DPP6: variants seen among roughly 807,000 people sequenced by gnomAD.
The protein encoded by DPP6 is dipeptidyl peptidase like 6.
In DPP6, 69 loss-of-function variants were observed where a neutral mutation model predicts 122.6. The observed-to-expected ratio is 0.56, with a 90% CI of 0.46 to 0.69. The LOEUF is 0.69. DPP6 is among the 30% of genes least tolerant of loss of function. DPP6 has a pLI of 0.00. For synonymous variants in DPP6, 418 were observed against 433.1 expected (o/e 0.97, Z 0.43); for missense variants, 928 against 1,116.9 (o/e 0.83, Z 2.41).
chr7:154,060,934 G>A (rs1331590506), intron 1 of DPP6, among the ~76,000 whole-genome samples: 3 of 147,064 alleles, frequency 2.0e-5, no homozygotes, highest in African/African-American at 7.4e-5. Context: ...TCCCCCACTG[G>A]CATAGGACCC....
At chr7:153,766,636 C>T in the DPP6 span, among the ~76,000 whole-genome samples, 1 of 151,920 alleles carries the variant, frequency 6.6e-6, no homozygotes, top group African/African-American at 2.4e-5. Context: ...ATTTATATTG[C>T]TGAATGACAT....
At chr7:154,541,475 G>A (rs542885860) in intron 4 of DPP6, among the ~76,000 whole-genome samples, 4 of 152,226 alleles carry the variant, frequency 2.6e-5, no homozygotes, top group African/African-American at 9.6e-5. Flanking sequence ...GTTCATGTAC[G>A]GTTAAAGATA....
At chr7:153,848,237 G>A in the DPP6 span, among the ~76,000 whole-genome samples, 4 of 147,644 alleles carry the variant, frequency 2.7e-5, no homozygotes, top group East Asian at 2.0e-4. Flanking sequence ...TAACATGGTC[G>A]CCCCCCCACC....
At chr7:154,140,009 A>G (rs1220317814) in intron 1 of DPP6, among the ~76,000 whole-genome samples, 8 of 152,202 alleles carry the variant, frequency 5.3e-5, no homozygotes, top group Non-Finnish European at 1.2e-4. Flanking sequence ...ATCAAGGAGT[A>G]GCCCGTGGGA....
At chr7:154,588,895 A>G (rs1048292871) in intron 5 of DPP6, among the ~76,000 whole-genome samples, 1 of 152,222 alleles carries the variant, frequency 6.6e-6, no homozygotes, top group African/African-American at 2.4e-5. Flanking sequence ...TGATCAGTGA[A>G]AAAACAGAAT....
At chr7:154,478,765 C>T (rs1257348818) in intron 3 of DPP6, among the ~76,000 whole-genome samples, 1 of 152,118 alleles carries the variant, frequency 6.6e-6, no homozygotes, top group Non-Finnish European at 1.5e-5. Context: ...CTTTTGCAAC[C>T]TTAGTAGTTA....
chr7:154,213,118 C>T (rs1000461066), intron 1 of DPP6, among the ~76,000 whole-genome samples: 3 of 152,108 alleles, frequency 2.0e-5, no homozygotes, highest in Admixed American at 6.5e-5. Flanking sequence ...CTCTGATGGT[C>T]CAAGCAGTGT....
chr7:154,150,273 C>T (rs1313547544), intron 1 of DPP6, among the ~76,000 whole-genome samples: 1 of 152,048 alleles, frequency 6.6e-6, no homozygotes, highest in Non-Finnish European at 1.5e-5. Context: ...TTGGCAAGGC[C>T]CCCCACTTGC....
the DPP6 span, among the ~76,000 whole-genome samples, chr7:153,790,946 T>G: frequency 1.3e-5 from 2 of 152,312 alleles, no homozygotes; most frequent in African/African-American, 4.8e-5. Flanking sequence ...GAGCAACTAG[T>G]CATTTTGGAA....
At chr7:153,922,072 G>A (rs1040818106) in intron 1 of DPP6, among the ~76,000 whole-genome samples, 16 of 152,222 alleles carry the variant, frequency 1.1e-4, no homozygotes, top group African/African-American at 3.9e-4. Context: ...AACCGATACG[G>A]TCCTGAGTGG....
Position 154,052,738 on chromosome 7 carries a change from TGGAGC to T in DPP6, c.-80_-76del. On this transcript the variant is annotated 5_prime_UTR_variant, in exon 1 of 26. Coordinates refer to ENST00000377770, the MANE Select transcript of DPP6 (RefSeq NM_130797.4). The surrounding 1 kb of genome is among the most constrained non-coding windows in gnomAD (Gnocchi z 4.8). Reference sequence around the variant, plus strand: ...CCACCGCCTTTTTTTTTTTTTAATCTGGAGCGGGGTGGGGAGTGGGAACCGGAGAG... The same window carrying T: ...CCACCGCCTTTTTTTTTTTTTAATCTGGGGTGGGGAGTGGGAACCGGAGAG... The T allele has an allele frequency of 7.8e-7, 1 of 1,282,640 alleles. No individual in the cohort carries two copies. The highest frequency in any genetic ancestry group is 1.4e-5 in the South Asian group (1 of 72,386). The allele number at this position is 1,282,640 out of a possible 1,614,324, so 79.5% of individuals were successfully genotyped here.
At position 154,656,387 on chromosome 7, in the gene DPP6, GGGGC is replaced by G. The variant is rs1160719776; in HGVS notation, c.681-12972_681-12969del. 4.4e-3 allele frequency among the ~76,000 whole-genome samples: 411 copies of G among 93,836 alleles called. 39 individuals carry two copies. Among genetic ancestry groups the G allele is most frequent in the South Asian group, 0.019 (35 of 1,862 alleles). 61.6% of individuals were successfully genotyped at this position (93,836 alleles called of 152,430 possible). A position where few individuals can be genotyped will look rare whatever the true frequency, so the allele number is the denominator to read the frequency against. On this transcript the variant is annotated intron_variant, in intron 6 of 25. Coordinates refer to ENST00000377770, the MANE Select transcript of DPP6 (RefSeq NM_130797.4). ...GGAGGTGGGGGGAGAGCTGGGAGAA[GGGGC>G]AGTCGAGAGGGAGGTCGGGGGAGAG...
intron 2 of DPP6, among the ~76,000 whole-genome samples, 187 bp downstream of exon 2, chr7:154,446,515 T>C (rs965586225): frequency 5.9e-5 from 9 of 152,244 alleles, no homozygotes; most frequent in Non-Finnish European, 1.0e-4. Context: ...TTGGATTTGT[T>C]CACAAAGTTG....
chr7:154,259,384 T>G (rs1802853308), intron 1 of DPP6, among the ~76,000 whole-genome samples: 1 of 152,190 alleles, frequency 6.6e-6, no homozygotes, highest in Admixed American at 6.5e-5. Context: ...TAGGAAATAC[T>G]GGATTCGTAA....
rs1806107011 is a variant in DPP6 at position 154,885,823 on chromosome 7, T to C, written c.2245+79T>C. 2.7e-6 allele frequency: 4 copies of C among 1,472,816 alleles called. No individual in the cohort carries two copies. The East Asian group carries it at 8.0e-5, about 29-fold the overall frequency. The allele number at this position is 1,472,816 out of a possible 1,614,324, so 91.2% of individuals were successfully genotyped here. ...CCCTGCCTGCGTGGCCCCACAGCCC[T>C]CCCTTCAGCACCACCGTCCCGCTAA... On this transcript the variant is annotated intron_variant, in intron 22 of 25. Coordinates refer to ENST00000377770, the MANE Select transcript of DPP6 (RefSeq NM_130797.4).
At chr7:154,392,929 G>T (rs1745562223) in intron 1 of DPP6, among the ~76,000 whole-genome samples, 2 of 152,328 alleles carry the variant, frequency 1.3e-5, no homozygotes, top group African/African-American at 2.4e-5. Flanking sequence ...TCAGCTGTGG[G>T]TCAAGAGCTA....
intron 3 of DPP6, among the ~76,000 whole-genome samples, chr7:154,507,586 C>A (rs1311208033): frequency 1.3e-5 from 2 of 152,132 alleles, no homozygotes; most frequent in African/African-American, 4.8e-5. Context: ...CATAAATTAG[C>A]AGGACATTCC....
Position 154,486,669 on chromosome 7 carries a change from G to A in DPP6, c.457+11632G>A, listed in dbSNP as rs117458129. On this transcript the variant is annotated intron_variant, in intron 3 of 25. Transcript: ENST00000377770. This position sits in a 1 kb window ranked among gnomAD's most constrained non-coding sequence, Gnocchi z 4.5. ...TTACAAAACTTCAGTCAGAGCATCA[G>A]CTTGTGAACCAGCTAGGGTTGGACC... 3.7e-3 allele frequency among the ~76,000 whole-genome samples: 566 copies of A among 152,322 alleles called. 2 individuals carry two copies. The highest frequency in any genetic ancestry group is 5.9e-3 in the Non-Finnish European group (399 of 68,034).
intron 1 of DPP6, among the ~76,000 whole-genome samples, chr7:153,920,563 C>CTTTTTTTTTTTTTTTTTTTTTTTTTTTT: frequency 1.1e-5 from 1 of 88,690 alleles, no homozygotes; most frequent in Non-Finnish European, 2.0e-5. Flanking sequence ...TTATCTCTCT[C>CTTTTTTTTTTTTTTTTTTTTTTTTTTTT]TTTTTTTTTT....
Sources: gnomAD v4.1 joint callset for allele counts (sites outside exome capture counted in the v4.1 genomes callset) on GRCh38, gnomAD v4.1.1 for gene constraint, Gnocchi (gnomAD v3.1) non-coding constraint, MANE v1.5 for transcripts, NCBI Gene and HGNC (gene_info 2026-07-23, HGNC 2026-07-21) for gene names.